Variants in HYAL4 observed in about 807,000 individuals in gnomAD.
HYAL4 encodes hyaluronidase-4.
HYAL4 carries 37 observed loss-of-function variants against 35.2 expected under a neutral mutation model. The ratio of observed to expected loss-of-function variants is 1.05; its 90% CI spans 0.81 to 1.38. The LOEUF (loss-of-function observed/expected upper bound fraction) is 1.38, where lower values mean the gene tolerates loss of function less well. Among genes scored for constraint, HYAL4 ranks in the 40% most tolerant of loss-of-function variants. The pLI is 0.00. For missense variants in HYAL4, 572 were observed against 572.4 expected, an observed-to-expected ratio of 1.00 and a Z score of 0.01; for synonymous variants, 198 against 203.2, an observed-to-expected ratio of 0.97 and a Z score of 0.22.
the HYAL4 span, among the ~76,000 whole-genome samples, chr7:123,801,264 T>A: frequency 1.3e-5 from 2 of 152,200 alleles, no homozygotes; most frequent in Admixed American, 6.5e-5. Flanking sequence ...TCTTGTTAAA[T>A]CTACTAAAAC....
chr7:123,812,902 A>T, the HYAL4 span, among the ~76,000 whole-genome samples: 1 of 152,162 alleles, frequency 6.6e-6, no homozygotes, highest in Non-Finnish European at 1.5e-5. Context: ...TAGCTTAGAG[A>T]TTCATCTGGT....
chr7:123,798,608 CG>C, the HYAL4 span, among the ~76,000 whole-genome samples: 2 of 152,164 alleles, frequency 1.3e-5, no homozygotes, highest in Non-Finnish European at 2.9e-5. Flanking sequence ...ATCACGTTCA[CG>C]GGGCTGACAG....
At chr7:123,801,117 C>T in the HYAL4 span, among the ~76,000 whole-genome samples, 1 of 152,086 alleles carries the variant, frequency 6.6e-6, no homozygotes, top group African/African-American at 2.4e-5. Context: ...GAGTTCGACA[C>T]CCACCTGGGC....
intron 2 of HYAL4, among the ~76,000 whole-genome samples, chr7:123,848,488 G>T (rs1026969296): frequency 6.6e-6 from 1 of 152,192 alleles, no homozygotes; most frequent in East Asian, 1.9e-4. Context: ...TTCTGTGATT[G>T]CATTACTAAC....
At chr7:123,841,339 A>G (rs542399999), upstream of HYAL4, among the ~76,000 whole-genome samples, 3 of 152,150 alleles carry the variant, frequency 2.0e-5, no homozygotes, top group African/African-American at 7.2e-5. Flanking sequence ...GATGAAGCCA[A>G]CTTGATCCGT....
At chr7:123,806,154 G>A in the HYAL4 span, among the ~76,000 whole-genome samples, 1 of 152,152 alleles carries the variant, frequency 6.6e-6, no homozygotes, top group Admixed American at 6.5e-5. Context: ...GACAAGATGA[G>A]GCTGGCATAA....
chr7:123,869,686 GTTT>G (rs113461247), intron 3 of HYAL4, among the ~76,000 whole-genome samples: 1 of 141,062 alleles, frequency 7.1e-6, no homozygotes, highest in East Asian at 2.0e-4. Flanking sequence ...TCTTTGTTTT[GTTT>G]TTTTTTTTTC....
the HYAL4 span, among the ~76,000 whole-genome samples, chr7:123,817,701 G>C: frequency 2.0e-5 from 3 of 151,194 alleles, no homozygotes; most frequent in Non-Finnish European, 4.4e-5. Context: ...GTAGAGACAG[G>C]GTTTCACCAT....
intron 2 of HYAL4, among the ~76,000 whole-genome samples, chr7:123,859,506 T>C (rs1484263478): frequency 6.6e-6 from 1 of 152,188 alleles, no homozygotes; most frequent in Non-Finnish European, 1.5e-5. Flanking sequence ...TAGCTTTTAA[T>C]AATCAAATGT....
At chr7:123,765,542 AC>A in the HYAL4 span, among the ~76,000 whole-genome samples, 5 of 152,186 alleles carry the variant, frequency 3.3e-5, no homozygotes, top group Non-Finnish European at 7.4e-5. Flanking sequence ...GTTTTCATAA[AC>A]TTTTCAGAAG....
At chr7:123,801,512 C>G in the HYAL4 span, among the ~76,000 whole-genome samples, 20 of 152,230 alleles carry the variant, frequency 1.3e-4, no homozygotes, top group East Asian at 3.5e-3. Flanking sequence ...TAAAAATTGA[C>G]TTATTGAAGA....
At chr7:123,805,596 TA>T in the HYAL4 span, among the ~76,000 whole-genome samples, 1 of 151,060 alleles carries the variant, frequency 6.6e-6, no homozygotes. Flanking sequence ...AACAACATAA[TA>T]AAAAAGAAAT....
intron 1 of HYAL4, among the ~76,000 whole-genome samples, chr7:123,838,550 A>G (rs1806004693): frequency 6.6e-6 from 1 of 151,322 alleles, no homozygotes; most frequent in Non-Finnish European, 1.5e-5. Context: ...ATGATGTCAT[A>G]AACAGAAAAA....
At chr7:123,778,496 T>G in the HYAL4 span, among the ~76,000 whole-genome samples, 1 of 152,162 alleles carries the variant, frequency 6.6e-6, no homozygotes, top group South Asian at 2.1e-4. Context: ...CTCTTTTATC[T>G]TTCATGACAG....
chr7:123,822,809 G>A, the HYAL4 span, among the ~76,000 whole-genome samples: 3 of 151,998 alleles, frequency 2.0e-5, no homozygotes, highest in African/African-American at 2.4e-5. Context: ...AGGTAAAAAA[G>A]AAAAAACTAG....
At chr7:123,841,166 A>G (rs1395906839), upstream of HYAL4, among the ~76,000 whole-genome samples, 1 of 152,006 alleles carries the variant, frequency 6.6e-6, no homozygotes, top group African/African-American at 2.4e-5. Context: ...TGTTCCCTCA[A>G]TACCTAATTT....
At chr7:123,821,867 A>G in the HYAL4 span, among the ~76,000 whole-genome samples, 2 of 152,148 alleles carry the variant, frequency 1.3e-5, no homozygotes, top group African/African-American at 2.4e-5. Context: ...GGGCCTACAG[A>G]TATCTAGTTT....
chr7:123,833,809 C>G (rs980515760), intron 1 of HYAL4, among the ~76,000 whole-genome samples: 1 of 152,100 alleles, frequency 6.6e-6, no homozygotes, highest in African/African-American at 2.4e-5. Flanking sequence ...TTGTGACTTG[C>G]CAATTATCCC....
chr7:123,796,488 C>G, the HYAL4 span, among the ~76,000 whole-genome samples: 1 of 152,028 alleles, frequency 6.6e-6, no homozygotes, highest in Non-Finnish European at 1.5e-5. Context: ...CATAATTTGC[C>G]CAAGACAACA....
Sources: gnomAD v4.1 joint callset for allele counts (sites outside exome capture counted in the v4.1 genomes callset) on GRCh38, gnomAD v4.1.1 for gene constraint, MANE v1.5 for transcripts, NCBI Gene and HGNC (gene_info 2026-07-23, HGNC 2026-07-21) for gene names.